ACSM6: variants seen among roughly 807,000 people sequenced by gnomAD.
ACSM6 encodes the protein acyl-CoA synthetase medium chain family member 6.
In ACSM6, 35 loss-of-function variants were observed where a neutral mutation model predicts 51.1. That is an observed-to-expected ratio of 0.69 (90% CI 0.52 to 0.91). The LOEUF is 0.91. Ranked by LOEUF, ACSM6 falls within the 40% of genes least tolerant of loss-of-function variation. ACSM6 has a pLI of 0.00. For synonymous variants in ACSM6, 172 were observed against 207.3 expected, an observed-to-expected ratio of 0.83 and a Z score of 1.46; for missense variants, 509 against 584.1, an observed-to-expected ratio of 0.87 and a Z score of 1.32.
chr10:95,200,716 T>C, intron 2 of ACSM6, among the ~76,000 whole-genome samples: 1 of 145,394 alleles, frequency 6.9e-6, no homozygotes, highest in East Asian at 2.0e-4. Flanking sequence ...GAGAAAGAGA[T>C]AAAAGGAGGA....
At chr10:95,195,765 A>G (rs1405159619) in intron 2 of ACSM6, among the ~76,000 whole-genome samples, 1 of 151,824 alleles carries the variant, frequency 6.6e-6, no homozygotes, top group Non-Finnish European at 1.5e-5. Context: ...TGGACAAAAC[A>G]GTAATTCATT....
intron 8 of ACSM6, among the ~76,000 whole-genome samples, chr10:95,219,400 C>A (rs1339174862): frequency 6.6e-6 from 1 of 152,124 alleles, no homozygotes; most frequent in Non-Finnish European, 1.5e-5. Flanking sequence ...CAAACATATT[C>A]TCCAATTATA....
At chr10:95,217,346 C>CAAA (rs71986766) in intron 8 of ACSM6, among the ~76,000 whole-genome samples, 16 of 138,390 alleles carry the variant, frequency 1.2e-4, no homozygotes, top group African/African-American at 2.2e-4. Context: ...GACTCCATCT[C>CAAA]AAAAAAAAAA....
At chr10:95,194,589 C>T (rs1320662324) in exon 2 of ACSM6, 27 of 1,552,092 alleles carry the variant, frequency 1.7e-5, no homozygotes, top group Non-Finnish European at 2.3e-5. Flanking sequence ...ACCATCAGAC[C>T]CCCTGACTCC....
At chr10:95,211,842 C>G in intron 5 of ACSM6, 36 bp from the exon 6 acceptor site, 1 of 1,556,854 alleles carries the variant, frequency 6.4e-7, no homozygotes, top group Non-Finnish European at 8.7e-7. Context: ...AGTACCAGCA[C>G]GAGAGAATTC....
chr10:95,217,890 T>C (rs148801763), intron 8 of ACSM6, among the ~76,000 whole-genome samples: 65 of 152,356 alleles, frequency 4.3e-4, no homozygotes, highest in African/African-American at 1.4e-3. Context: ...GGTACGCAAG[T>C]TACAATTCAA....
chr10:95,215,193 C>T (rs936796834), intron 8 of ACSM6, among the ~76,000 whole-genome samples: 1 of 152,166 alleles, frequency 6.6e-6, no homozygotes, highest in Non-Finnish European at 1.5e-5. Flanking sequence ...ACAACAGAAA[C>T]TTGAACTAGT....
intron 8 of ACSM6, among the ~76,000 whole-genome samples, chr10:95,215,507 A>T (rs1211954560): frequency 1.3e-5 from 2 of 152,190 alleles, no homozygotes; most frequent in Non-Finnish European, 2.9e-5. Flanking sequence ...CAGGATTAAC[A>T]TTTTGCCAAG....
chr10:95,210,524 A>G, intron 4 of ACSM6, 126 bp from the exon 5 acceptor site: 13 of 971,650 alleles, frequency 1.3e-5, no homozygotes, highest in Non-Finnish European at 1.9e-5. Flanking sequence ...CTAACAAATA[A>G]TCCTCAAATA....
At chr10:95,213,798 T>C (rs752531356) in intron 7 of ACSM6, among the ~76,000 whole-genome samples, 17 of 152,206 alleles carry the variant, frequency 1.1e-4, no homozygotes, top group Non-Finnish European at 2.5e-4. Flanking sequence ...TAAATAATCA[T>C]TTAAGTGTAA....
intron 2 of ACSM6, among the ~76,000 whole-genome samples, chr10:95,197,765 G>C (rs2034748486): frequency 6.6e-6 from 1 of 152,178 alleles, no homozygotes; most frequent in African/African-American, 2.4e-5. Flanking sequence ...CCTCAGCACA[G>C]ACCCTTTACG....
At position 95,207,256 on chromosome 10, in the gene ACSM6, G is replaced by A. The variant is rs377063163; in HGVS notation, c.452G>A (p.Arg151His). The change falls in exon 4 of 11, where the codon CGC becomes CAC. Residue 151 changes from arginine to histidine, a missense_variant. Transcript: ENST00000341686. ...CCCCAGCTGACTGCCAAGAAAATTC[G>A]CTATCAATTACGCATGTCTAAGGCC... The A allele has an allele frequency of 2.8e-5, 45 of 1,613,978 alleles. No individual in the cohort carries two copies. Among genetic ancestry groups the A allele is most frequent in the South Asian group, 1.9e-4 (17 of 91,084 alleles).
chr10:95,220,251 T>C (rs538871868), intron 9 of ACSM6, among the ~76,000 whole-genome samples: 2 of 152,106 alleles, frequency 1.3e-5, no homozygotes, highest in Non-Finnish European at 2.9e-5. Context: ...ATAAAAAAAA[T>C]TGCTATTAAA....
chr10:95,227,248 A>G (rs1261609891), intron 10 of ACSM6, among the ~76,000 whole-genome samples: 3 of 152,140 alleles, frequency 2.0e-5, no homozygotes, highest in Non-Finnish European at 2.9e-5. Context: ...CAGCCTCCCA[A>G]AATGCCAACA....
At chr10:95,201,590 C>T (rs888143358) in intron 2 of ACSM6, 3 of 457,954 alleles carry the variant, frequency 6.6e-6, no homozygotes, top group Non-Finnish European at 4.4e-6. Context: ...CATCACTTTG[C>T]TATTGTGAAT....
chr10:95,204,640 T>C (rs1208291440), intron 3 of ACSM6, among the ~76,000 whole-genome samples: 2 of 152,168 alleles, frequency 1.3e-5, no homozygotes, highest in Admixed American at 1.3e-4. Flanking sequence ...GATTTAAAGA[T>C]AACTGTTTGA....
chr10:95,218,603 C>A (rs1005249854), intron 8 of ACSM6, among the ~76,000 whole-genome samples: 23 of 152,180 alleles, frequency 1.5e-4, no homozygotes, highest in Admixed American at 8.5e-4. Flanking sequence ...CAGACAAGAT[C>A]AAAATAGCCC....
chr10:95,201,780 A>T, intron 2 of ACSM6: 1 of 599,298 alleles, frequency 1.7e-6, no homozygotes, highest in Non-Finnish European at 3.0e-6. Context: ...CTCATGCCTG[A>T]CATTATGTTG....
chr10:95,214,807 A>G, intron 7 of ACSM6, 45 bp from the exon 8 acceptor site: 1 of 1,539,656 alleles, frequency 6.5e-7, no homozygotes, highest in Non-Finnish European at 8.8e-7. Context: ...TGTTATTGGT[A>G]GAAATATTCC....
Sources: gnomAD v4.1 joint callset for allele counts (sites outside exome capture counted in the v4.1 genomes callset) on GRCh38, gnomAD v4.1.1 for gene constraint, MANE v1.5 for transcripts, NCBI Gene and HGNC (gene_info 2026-07-23, HGNC 2026-07-21) for gene names.